The following PATJ variants were observed in gnomAD, a reference collection of about 807,000 sequenced individuals.
The protein encoded by PATJ is PATJ crumbs cell polarity complex component, also known as inaD-like protein.
PATJ carries 190 observed loss-of-function variants against 224.9 expected under a neutral mutation model. The observed-to-expected ratio is 0.84, with a 90% CI of 0.75 to 0.95. PATJ has a LOEUF of 0.95. Ranked by LOEUF, PATJ falls within the 40% of genes least tolerant of loss-of-function variation. The pLI is 0.00. For synonymous variants in PATJ, 769 were observed against 820.3 expected, an observed-to-expected ratio of 0.94 and a Z score of 1.07; for missense variants, 2,121 against 2,270.3, an observed-to-expected ratio of 0.93 and a Z score of 1.34.
intron 1 of PATJ, among the ~76,000 whole-genome samples, chr1:61,746,106 T>TAC (rs1645012400): frequency 6.6e-6 from 1 of 150,660 alleles, no homozygotes; most frequent in South Asian, 2.1e-4. Context: ...TATATATATA[T>TAC]ATATTTTGTA....
intron 32 of PATJ, among the ~76,000 whole-genome samples, chr1:62,082,788 AT>A (rs1558143810): frequency 6.6e-6 from 1 of 151,494 alleles, no homozygotes. Context: ...TTTTCTTTTG[AT>A]TTTTTTTCAA....
intron 41 of PATJ, among the ~76,000 whole-genome samples, chr1:62,129,295 A>G (rs1271826923): frequency 6.6e-6 from 1 of 152,198 alleles, no homozygotes; most frequent in African/African-American, 2.4e-5. Context: ...TGAACTGCCC[A>G]AGTGCTGTTT....
intron 27 of PATJ, among the ~76,000 whole-genome samples, chr1:61,951,437 G>T (rs2149385822): frequency 6.6e-6 from 1 of 151,962 alleles, no homozygotes; most frequent in Middle Eastern, 3.4e-3. Flanking sequence ...TGATCACATA[G>T]ATGATTTTTT....
chr1:61,929,632 A>G (rs1026637738), intron 27 of PATJ, among the ~76,000 whole-genome samples: 3 of 152,250 alleles, frequency 2.0e-5, no homozygotes, highest in African/African-American at 7.2e-5. Flanking sequence ...GACAGCTAAC[A>G]AATAGTAGAA....
intron 43 of PATJ, among the ~76,000 whole-genome samples, chr1:62,154,751 T>A (rs1281943864): frequency 6.6e-6 from 1 of 151,900 alleles, no homozygotes; most frequent in African/African-American, 2.4e-5. Context: ...ATACATTAAA[T>A]ACAAGCTTGC....
At chr1:61,810,698 A>AT (rs1654544023) in intron 14 of PATJ, among the ~76,000 whole-genome samples, 1 of 116,024 alleles carries the variant, frequency 8.6e-6, no homozygotes, top group Admixed American at 9.1e-5. Flanking sequence ...CTCTGTCTCA[A>AT]AAAATAAATA....
At chr1:62,114,377 GACA>G in intron 35 of PATJ, 131 bp downstream of exon 35, 5 of 841,584 alleles carry the variant, frequency 5.9e-6, no homozygotes, top group Non-Finnish European at 9.1e-6. Flanking sequence ...ATGAAAATTT[GACA>G]ACATGGGTCA....
chr1:62,031,385 CA>C (rs900711462), intron 29 of PATJ, among the ~76,000 whole-genome samples: 12 of 152,138 alleles, frequency 7.9e-5, no homozygotes, highest in Non-Finnish European at 1.6e-4. Context: ...CCCCATCACA[CA>C]AAATGAAATT....
intron 41 of PATJ, among the ~76,000 whole-genome samples, chr1:62,132,174 T>C (rs555924782): frequency 2.6e-5 from 4 of 152,284 alleles, no homozygotes; most frequent in South Asian, 4.1e-4. Context: ...GCATGGGGAT[T>C]TGTGGTGTTT....
chr1:62,015,634 G>C (rs1384341020), intron 28 of PATJ, among the ~76,000 whole-genome samples: 2 of 152,024 alleles, frequency 1.3e-5, no homozygotes, highest in African/African-American at 4.8e-5. Flanking sequence ...CCAGGTTCAA[G>C]CTATTCTCCT....
chr1:61,779,037 TATA>T (rs1393847901), intron 7 of PATJ, among the ~76,000 whole-genome samples: 2 of 29,302 alleles, frequency 6.8e-5, no homozygotes, highest in African/African-American at 1.5e-4. Flanking sequence ...CTTTTAAAAA[TATA>T]ATGACATAAT....
intron 26 of PATJ, among the ~76,000 whole-genome samples, chr1:61,923,121 C>G (rs917714238): frequency 6.6e-6 from 1 of 152,328 alleles, no homozygotes. Flanking sequence ...TACCAAAAGT[C>G]AACTGAGTTA....
intron 21 of PATJ, among the ~76,000 whole-genome samples, chr1:61,880,782 C>T (rs1667979739): frequency 6.6e-6 from 1 of 152,134 alleles, no homozygotes; most frequent in Admixed American, 6.6e-5. Flanking sequence ...ACACAGTGTT[C>T]AAAGAAATAC....
intron 26 of PATJ, among the ~76,000 whole-genome samples, chr1:61,924,319 G>T (rs928229794): frequency 6.6e-6 from 1 of 152,202 alleles, no homozygotes; most frequent in Admixed American, 6.5e-5. Context: ...AGTGAGCTGA[G>T]ATGGCACCAC....
chr1:61,759,869 T>G (rs1206665910), intron 1 of PATJ, among the ~76,000 whole-genome samples: 1 of 152,234 alleles, frequency 6.6e-6, no homozygotes, highest in Non-Finnish European at 1.5e-5. Flanking sequence ...AGTGTCAGTA[T>G]ACATTGTGTA....
chr1:61,818,944 A>G (rs1450120824), intron 14 of PATJ, among the ~76,000 whole-genome samples: 1 of 152,148 alleles, frequency 6.6e-6, no homozygotes, highest in Non-Finnish European at 1.5e-5. Flanking sequence ...GCATGTCATT[A>G]TGTAAGTAGC....
intron 26 of PATJ, 108 bp downstream of exon 26, chr1:61,914,772 GTAGGAGCACTATATT>G (rs1673211589): frequency 1.8e-6 from 1 of 560,070 alleles, no homozygotes; most frequent in South Asian, 2.1e-5. Context: ...TGTCAGTGTT[GTAGGAGCACTATATT>G]TATAATTTTT....
Position 61,817,551 on chromosome 1 carries a change from C to G in PATJ, c.1684-5394C>G, listed in dbSNP as rs537220627. Among the ~76,000 whole-genome samples the G allele has an allele frequency of 2.0e-4, 30 of 152,290 alleles. No homozygotes were observed. In the South Asian group the frequency reaches 6.2e-3, roughly 32 times the overall value. On this transcript the variant is annotated intron_variant, in intron 14 of 43. Coordinates refer to ENST00000642238, the MANE Select transcript of PATJ (RefSeq NM_001350145.3). Reference sequence around the variant, plus strand: ...TGGTGGTGTGCACCTGTAATCCCAGCTGCTGGGGAGGTTAAGGCAGAATCA... The same window carrying G: ...TGGTGGTGTGCACCTGTAATCCCAGGTGCTGGGGAGGTTAAGGCAGAATCA...
intron 31 of PATJ, chr1:62,054,283 G>T: frequency 7.4e-6 from 3 of 403,496 alleles, no homozygotes; most frequent in South Asian, 5.7e-5. Flanking sequence ...GGATTACTTG[G>T]ACCTGGGAGG....
Sources: allele counts gnomAD v4.1 joint callset (sites outside exome capture counted in the v4.1 genomes callset), GRCh38; gene constraint gnomAD v4.1.1; transcripts MANE v1.5; gene names NCBI Gene and HGNC (gene_info 2026-07-23, HGNC 2026-07-21).